The following ILRUN variants were observed in gnomAD, a reference collection of about 807,000 sequenced individuals.
ILRUN encodes the protein protein ILRUN.
In ILRUN, 3 loss-of-function variants were observed where a neutral mutation model predicts 33.8. The ratio of observed to expected loss-of-function variants is 0.09; its 90% CI spans 0.04 to 0.23. The LOEUF (loss-of-function observed/expected upper bound fraction) is 0.23, where lower values mean the gene tolerates loss of function less well. Ranked by LOEUF, ILRUN falls within the 10% of genes least tolerant of loss-of-function variation. ILRUN has a pLI of 1.00. For missense variants in ILRUN, 210 were observed against 375.1 expected (o/e 0.56, Z 3.64); for synonymous variants, 124 against 138.9 (o/e 0.89, Z 0.75).
chr6:34,603,576 G>A (rs915496635), intron 4 of ILRUN, among the ~76,000 whole-genome samples: 1 of 152,156 alleles, frequency 6.6e-6, no homozygotes, highest in Admixed American at 6.5e-5. Context: ...CAAGGCTGCA[G>A]TGAGCTGTGA....
intron 3 of ILRUN, among the ~76,000 whole-genome samples, chr6:34,619,865 G>T (rs762671966): frequency 6.6e-6 from 1 of 151,692 alleles, no homozygotes; most frequent in Non-Finnish European, 1.5e-5. Flanking sequence ...CAGGCCCGTA[G>T]TCCCAGCTAC....
intron 1 of ILRUN, among the ~76,000 whole-genome samples, chr6:34,688,544 G>C (rs1763577206): frequency 6.6e-6 from 1 of 152,076 alleles, no homozygotes; most frequent in South Asian, 2.1e-4. Context: ...TGGGCACAGT[G>C]GCTCATGCCT....
intron 1 of ILRUN, 125 bp downstream of exon 1, chr6:34,696,321 G>T: frequency 9.7e-7 from 1 of 1,033,538 alleles, no homozygotes; most frequent in Non-Finnish European, 1.4e-6. Flanking sequence ...CGTCCTCCCC[G>T]TCCCGGGAAG....
At chr6:34,666,835 TA>T (rs1234062241) in intron 1 of ILRUN, among the ~76,000 whole-genome samples, 1 of 152,232 alleles carries the variant, frequency 6.6e-6, no homozygotes, top group African/African-American at 2.4e-5. Flanking sequence ...CGTATTCTGT[TA>T]ATGTTTTCAT....
rs1048538669 is a variant in ILRUN, at chr6:34,587,928, C to T, written c.*2637G>A. 1 of 397,276 alleles carries T rather than the reference C, an allele frequency of 2.5e-6. No homozygotes were observed. Among genetic ancestry groups the T allele is most frequent in the Non-Finnish European group, 4.4e-6 (1 of 225,804 alleles). The allele number at this position is 397,276 out of a possible 1,614,324, so 24.6% of individuals were successfully genotyped here. A position where few individuals can be genotyped will look rare whatever the true frequency, so the allele number is the denominator to read the frequency against. Reference sequence around the variant, plus strand: ...TCTGCCTCACCTCCTGGGTGCCAGACGCAGGTGGTCCTGCCCAGAGGTGGC... The same window carrying T: ...TCTGCCTCACCTCCTGGGTGCCAGATGCAGGTGGTCCTGCCCAGAGGTGGC... On this transcript the variant is annotated 3_prime_UTR_variant, in exon 5 of 5. Transcript: ENST00000374023.
chr6:34,635,862 T>C (rs1371704009), intron 3 of ILRUN, among the ~76,000 whole-genome samples: 2 of 152,040 alleles, frequency 1.3e-5, no homozygotes, highest in African/African-American at 4.8e-5. Context: ...CCTCTGGTGA[T>C]CCACGCGCCT....
intron 4 of ILRUN, among the ~76,000 whole-genome samples, chr6:34,597,540 C>T (rs1397733136): frequency 6.6e-6 from 1 of 152,228 alleles, no homozygotes; most frequent in African/African-American, 2.4e-5. Context: ...GTCAACTACC[C>T]TTTCCTTACA....
At chr6:34,645,219 T>A (rs1436341556) in intron 3 of ILRUN, among the ~76,000 whole-genome samples, 20 of 152,208 alleles carry the variant, frequency 1.3e-4, no homozygotes, top group Admixed American at 1.3e-3. Context: ...TACTATTTAC[T>A]ATTTATTTGT....
intron 3 of ILRUN, among the ~76,000 whole-genome samples, chr6:34,628,033 A>G (rs963149842): frequency 6.6e-6 from 1 of 151,688 alleles, no homozygotes; most frequent in African/African-American, 2.4e-5. Flanking sequence ...TTTGAGATGG[A>G]GTCTCACTCC....
chr6:34,653,372 AG>A, intron 2 of ILRUN, among the ~76,000 whole-genome samples: 1 of 151,904 alleles, frequency 6.6e-6, no homozygotes, highest in Admixed American at 6.6e-5. Context: ...CTGGGATTAA[AG>A]GTGCCCAACA....
chr6:34,590,738 T>C lies in ILRUN; in HGVS notation c.862-138A>G, dbSNP rs190227854. On this transcript the variant is annotated intron_variant, in intron 4 of 4. Coordinates refer to ENST00000374023, the MANE Select transcript of ILRUN (RefSeq NM_024294.4). Reference sequence around the variant, plus strand: ...AGACAAGGCCTGAGGGTCTTTGCCATACAAAACCTCGGCAGGCCAAAGATC... The same window carrying C: ...AGACAAGGCCTGAGGGTCTTTGCCACACAAAACCTCGGCAGGCCAAAGATC... The C allele has an allele frequency of 2.8e-4, 184 of 665,976 alleles. 1 individual carries two copies. In the East Asian group the frequency reaches 4.5e-3, roughly 16 times the overall value. 41.3% of individuals were successfully genotyped at this position (665,976 alleles called of 1,614,324 possible).
intron 3 of ILRUN, among the ~76,000 whole-genome samples, chr6:34,610,714 C>A (rs777678310): frequency 3.9e-5 from 6 of 152,194 alleles, no homozygotes; most frequent in Admixed American, 6.5e-5. Flanking sequence ...TAGTTTTACT[C>A]CTCCTTGTCT....
chr6:34,675,028 C>T (rs1763198883), intron 1 of ILRUN, among the ~76,000 whole-genome samples: 1 of 152,174 alleles, frequency 6.6e-6, no homozygotes, highest in Admixed American at 6.5e-5. Context: ...CGCAAGTAAT[C>T]CCAGCACTTT....
intron 1 of ILRUN, among the ~76,000 whole-genome samples, chr6:34,665,271 C>T (rs1404947552): frequency 1.5e-5 from 2 of 129,862 alleles, no homozygotes. Flanking sequence ...GCCTGGGCAA[C>T]ACAGGGAGAC....
intron 3 of ILRUN, among the ~76,000 whole-genome samples, chr6:34,643,912 G>A (rs1762520533): frequency 6.6e-6 from 1 of 152,202 alleles, no homozygotes; most frequent in Non-Finnish European, 1.5e-5. Flanking sequence ...AGGTTGGCCA[G>A]GCTGGTCTTG....
chr6:34,627,621 C>T (rs140212719), intron 3 of ILRUN, among the ~76,000 whole-genome samples: 3 of 151,930 alleles, frequency 2.0e-5, no homozygotes, highest in Admixed American at 2.0e-4. Context: ...AAACATATAA[C>T]GGTGAATATC....
chr6:34,666,986 T>C (rs962876040), intron 1 of ILRUN, among the ~76,000 whole-genome samples: 2 of 152,002 alleles, frequency 1.3e-5, no homozygotes, highest in Non-Finnish European at 2.9e-5. Flanking sequence ...TTATCACCAG[T>C]AAAATTAGTG....
chr6:34,610,314 T>C (rs558230703), intron 3 of ILRUN, among the ~76,000 whole-genome samples: 13 of 152,188 alleles, frequency 8.5e-5, no homozygotes, highest in Non-Finnish European at 1.3e-4. Context: ...GAATAGTGGG[T>C]CAGAGGACCT....
intron 2 of ILRUN, among the ~76,000 whole-genome samples, chr6:34,653,306 C>G (rs538085787): frequency 6.6e-6 from 1 of 152,026 alleles, no homozygotes. Context: ...TTTCAGCTCA[C>G]TGCAACCTCC....
Sources: gnomAD v4.1 joint callset for allele counts (sites outside exome capture counted in the v4.1 genomes callset) on GRCh38, gnomAD v4.1.1 for gene constraint, MANE v1.5 for transcripts, NCBI Gene and HGNC (gene_info 2026-07-23, HGNC 2026-07-21) for gene names.